Variants in STK33 observed in about 807,000 individuals in gnomAD.
STK33 encodes serine/threonine-protein kinase 33.
A neutral mutation model predicts 58.0 loss-of-function variants in STK33; 52 were observed. That is an observed-to-expected ratio of 0.90 (90% CI 0.72 to 1.13). STK33 has a LOEUF of 1.13. Ranked by LOEUF, STK33 falls within the 50% of genes most tolerant of loss-of-function variation. The pLI, the probability that STK33 is intolerant of heterozygous loss-of-function variation, is 0.00. For missense variants in STK33, 630 were observed against 604.2 expected, an observed-to-expected ratio of 1.04 and a Z score of -0.45; for synonymous variants, 215 against 200.1, an observed-to-expected ratio of 1.07 and a Z score of -0.63.
chr11:8,568,282 G>T (rs1957578441), intron 1 of STK33, among the ~76,000 whole-genome samples: 1 of 152,066 alleles, frequency 6.6e-6, no homozygotes, highest in African/African-American at 2.4e-5. Context: ...ATGTAAACAT[G>T]AACTCATTAA....
intron 15 of STK33, among the ~76,000 whole-genome samples, chr11:8,393,486 A>C (rs993140515): frequency 1.3e-5 from 2 of 152,202 alleles, no homozygotes; most frequent in Admixed American, 6.5e-5. Context: ...TTTTAAAGTG[A>C]TCACTTTTAA....
the STK33 span, among the ~76,000 whole-genome samples, chr11:8,382,758 C>T: frequency 6.6e-6 from 1 of 152,156 alleles, no homozygotes; most frequent in Non-Finnish European, 1.5e-5. Context: ...GCCTGTAATT[C>T]GGTTTGTGCC....
At chr11:8,509,555 G>A (rs1257928128) in intron 1 of STK33, among the ~76,000 whole-genome samples, 2 of 152,094 alleles carry the variant, frequency 1.3e-5, no homozygotes, top group East Asian at 3.9e-4. Flanking sequence ...GGTGGTTTCT[G>A]GTTACATGAA....
chr11:8,544,216 T>C (rs1955736281), intron 1 of STK33, among the ~76,000 whole-genome samples: 1 of 151,290 alleles, frequency 6.6e-6, no homozygotes, highest in Admixed American at 6.6e-5. Flanking sequence ...TGTGTCCATG[T>C]GTTCTCATTG....
intron 1 of STK33, among the ~76,000 whole-genome samples, chr11:8,534,334 A>T (rs1954791918): frequency 6.6e-6 from 1 of 152,056 alleles, no homozygotes; most frequent in South Asian, 2.1e-4. Context: ...CAGTACATTC[A>T]TCAGAGTCCC....
intron 1 of STK33, among the ~76,000 whole-genome samples, chr11:8,585,653 T>C (rs770962341): frequency 4.6e-5 from 7 of 152,118 alleles, no homozygotes; most frequent in Non-Finnish European, 1.0e-4. Flanking sequence ...CTCACGCCTG[T>C]ATTCCAAGCA....
chr11:8,560,494 T>C (rs1957047317), intron 1 of STK33, among the ~76,000 whole-genome samples: 2 of 152,242 alleles, frequency 1.3e-5, no homozygotes, highest in South Asian at 2.1e-4. Context: ...GCAATTATTC[T>C]CCCCCACTTG....
At chr11:8,339,367 A>T in the STK33 span, among the ~76,000 whole-genome samples, 1 of 152,234 alleles carries the variant, frequency 6.6e-6, no homozygotes, top group Non-Finnish European at 1.5e-5. Context: ...CCTCAGCCCC[A>T]AACAGGCAAG....
chr11:8,523,287 C>A (rs186140343), intron 1 of STK33, among the ~76,000 whole-genome samples: 22 of 151,088 alleles, frequency 1.5e-4, no homozygotes, highest in Middle Eastern at 3.5e-3. Flanking sequence ...TCTGCCCAGC[C>A]GCCCAGTCTG....
rs78511251 is a variant in STK33, at chr11:8,480,371, G to A, written c.-261+39C>T. 5.2e-4 allele frequency: 79 copies of A among 152,300 alleles called. 1 individual carries two copies. The highest frequency in any genetic ancestry group is 1.8e-3 in the African/African-American group (75 of 41,550). The allele number at this position is 152,300 out of a possible 1,614,324, so 9.4% of individuals were successfully genotyped here. ...ACTCCCAACGATCATCTGAGATGTA[G>A]CAGACATTTAAAGGAACAGAAGTGG... On this transcript the variant is annotated intron_variant, in intron 2 of 15. Coordinates refer to ENST00000687296, the MANE Select transcript of STK33 (RefSeq NM_001352389.2).
At chr11:8,548,079 T>C (rs1251087277) in intron 1 of STK33, among the ~76,000 whole-genome samples, 1 of 151,436 alleles carries the variant, frequency 6.6e-6, no homozygotes, top group Non-Finnish European at 1.5e-5. Context: ...AGTTAATGGA[T>C]GCAGCACACC....
chr11:8,587,134 C>T (rs1240964141), intron 1 of STK33, among the ~76,000 whole-genome samples: 1 of 152,038 alleles, frequency 6.6e-6, no homozygotes, highest in African/African-American at 2.4e-5. Flanking sequence ...ATGAAAAGAG[C>T]TATAACAGAT....
At chr11:8,350,192 A>T in the STK33 span, among the ~76,000 whole-genome samples, 22 of 152,324 alleles carry the variant, frequency 1.4e-4, no homozygotes, top group Non-Finnish European at 3.1e-4. Context: ...GACGATTTGG[A>T]TCCAGGACTG....
chr11:8,425,906 A>G (rs1257780467), intron 14 of STK33, among the ~76,000 whole-genome samples: 3 of 152,052 alleles, frequency 2.0e-5, no homozygotes, highest in East Asian at 1.9e-4. Flanking sequence ...AGATGGGCAC[A>G]TGTGGGGTTC....
At chr11:8,468,036 C>T (rs1366451516) in intron 6 of STK33, among the ~76,000 whole-genome samples, 2 of 152,206 alleles carry the variant, frequency 1.3e-5, no homozygotes, top group East Asian at 1.9e-4. Context: ...CATTTTCACA[C>T]TGCTGATAAA....
chr11:8,409,663 T>C (rs908971547), intron 15 of STK33, among the ~76,000 whole-genome samples: 1 of 152,238 alleles, frequency 6.6e-6, no homozygotes, highest in Non-Finnish European at 1.5e-5. Context: ...TGAAATTTCT[T>C]GGTCTGTTTA....
intron 1 of STK33, among the ~76,000 whole-genome samples, chr11:8,485,259 G>A (rs1378756252): frequency 6.6e-6 from 1 of 152,080 alleles, no homozygotes; most frequent in African/African-American, 2.4e-5. Flanking sequence ...AAAAATATGA[G>A]TTTCCAGACC....
intron 1 of STK33, among the ~76,000 whole-genome samples, chr11:8,503,548 T>A (rs1181691912): frequency 6.6e-6 from 1 of 152,084 alleles, no homozygotes; most frequent in Admixed American, 6.6e-5. Context: ...CAAAACAACA[T>A]AGACACCAAA....
chr11:8,354,781 C>T, the STK33 span, among the ~76,000 whole-genome samples: 78 of 152,324 alleles, frequency 5.1e-4, no homozygotes, highest in Admixed American at 1.0e-3. Context: ...GCAAGACTTG[C>T]GGGCAAGCCC....
Sources: gnomAD v4.1 joint callset for allele counts (sites outside exome capture counted in the v4.1 genomes callset) on GRCh38, gnomAD v4.1.1 for gene constraint, MANE v1.5 for transcripts, NCBI Gene and HGNC (gene_info 2026-07-23, HGNC 2026-07-21) for gene names.